The following YWHAE variants were observed in gnomAD, a reference collection of about 807,000 sequenced individuals.
YWHAE encodes the protein tyrosine 3-monooxygenase/tryptophan 5-monooxygenase activation protein epsilon.
YWHAE carries 4 observed loss-of-function variants against 30.1 expected under a neutral mutation model. That is an observed-to-expected ratio of 0.13 (90% CI 0.07 to 0.30). The LOEUF is 0.30. YWHAE is among the 10% of genes least tolerant of loss of function. The pLI is 1.00. For synonymous variants in YWHAE, 118 were observed against 111.8 expected (o/e 1.06, Z -0.35); for missense variants, 121 against 315.9 (o/e 0.38, Z 4.68).
intron 1 of YWHAE, among the ~76,000 whole-genome samples, chr17:1,381,638 G>A (rs771592546): frequency 1.3e-5 from 2 of 152,002 alleles, no homozygotes; most frequent in Admixed American, 6.6e-5. Flanking sequence ...GAGGAAGGCC[G>A]AGCGCAAAGG....
chr17:1,354,413 T>C, intron 4 of YWHAE, 66 bp from the exon 5 acceptor site: 1 of 1,483,850 alleles, frequency 6.7e-7, no homozygotes, highest in South Asian at 1.2e-5. Flanking sequence ...AATGACATGC[T>C]AGACAGCAAT....
intron 4 of YWHAE, among the ~76,000 whole-genome samples, chr17:1,356,809 A>AG (rs2072752395): frequency 6.6e-6 from 1 of 151,768 alleles, no homozygotes; most frequent in Non-Finnish European, 1.5e-5. Flanking sequence ...AAATGCAAAA[A>AG]AAAAAAAAAA....
chr17:1,357,582 TA>T (rs964723811), intron 4 of YWHAE, among the ~76,000 whole-genome samples: 124 of 134,864 alleles, frequency 9.2e-4, no homozygotes, highest in Admixed American at 1.7e-3. Context: ...TCCGTCAAAA[TA>T]AAAAAAAAAA....
intron 1 of YWHAE, among the ~76,000 whole-genome samples, chr17:1,371,640 G>A (rs991153240): frequency 6.6e-6 from 1 of 152,162 alleles, no homozygotes; most frequent in African/African-American, 2.4e-5. Context: ...TCCCTAAGAA[G>A]CTGCATCAGC....
chr17:1,380,462 C>G (rs773944296), intron 1 of YWHAE, among the ~76,000 whole-genome samples: 1 of 152,164 alleles, frequency 6.6e-6, no homozygotes, highest in Non-Finnish European at 1.5e-5. Flanking sequence ...CACATAATCT[C>G]TAGGAGCTTG....
chr17:1,347,876 T>C lies in YWHAE; in HGVS notation c.716-2377A>G, dbSNP rs528162058. 239 of 833,520 alleles carry C rather than the reference T, an allele frequency of 2.9e-4. 1 individual carries two copies. Among genetic ancestry groups the C allele is most frequent in the Non-Finnish European group, 3.3e-4 (229 of 686,112 alleles). The allele number at this position is 833,520 out of a possible 1,614,324, so 51.6% of individuals were successfully genotyped here. A position where few individuals can be genotyped will look rare whatever the true frequency, so the allele number is the denominator to read the frequency against. On this transcript the variant is annotated intron_variant, in intron 5 of 5. Coordinates refer to ENST00000264335, the MANE Select transcript of YWHAE (RefSeq NM_006761.5). ...TGGAAGGTGGAACAGGCAGAGTCTGTAAGCAACAGGACGATCATACGCAGG... is the reference window on the plus strand; with the variant it reads ...TGGAAGGTGGAACAGGCAGAGTCTGCAAGCAACAGGACGATCATACGCAGG...
intron 1 of YWHAE, among the ~76,000 whole-genome samples, chr17:1,395,114 C>T (rs1222272510): frequency 6.6e-6 from 1 of 151,722 alleles, no homozygotes; most frequent in Non-Finnish European, 1.5e-5. Flanking sequence ...ACAATCAGGC[C>T]GGGTGTGGTG....
At chr17:1,346,178 C>T (rs2072513521) in intron 5 of YWHAE, among the ~76,000 whole-genome samples, 1 of 152,096 alleles carries the variant, frequency 6.6e-6, no homozygotes, top group African/African-American at 2.4e-5. Flanking sequence ...GGGTGATTAC[C>T]CTAAGGAGTT....
At chr17:1,356,215 C>CA (rs200467169) in intron 4 of YWHAE, among the ~76,000 whole-genome samples, 51 of 135,550 alleles carry the variant, frequency 3.8e-4, no homozygotes, top group African/African-American at 1.4e-3. Flanking sequence ...CACACACACA[C>CA]AAAATTAGCC....
At chr17:1,349,971 G>T (rs1201181846) in intron 5 of YWHAE, among the ~76,000 whole-genome samples, 141 of 92,564 alleles carry the variant, frequency 1.5e-3, no homozygotes, top group African/African-American at 5.1e-3. Context: ...TTTTTTTTTT[G>T]GACGAAGTTT....
At chr17:1,374,458 C>G (rs1270490044) in intron 1 of YWHAE, among the ~76,000 whole-genome samples, 5 of 152,094 alleles carry the variant, frequency 3.3e-5, no homozygotes, top group Admixed American at 1.3e-4. Flanking sequence ...CAGTATACAC[C>G]TAGAAGGAAC....
chr17:1,348,738 T>C (rs1024096527), intron 5 of YWHAE, among the ~76,000 whole-genome samples: 1 of 152,190 alleles, frequency 6.6e-6, no homozygotes, highest in African/African-American at 2.4e-5. Flanking sequence ...TATTAAAAAA[T>C]GTAGGCCGGG....
In YWHAE at chr17:1,400,099, T is replaced by C; in HGVS notation, c.12A>G (p.Arg4=). The C allele has an allele frequency of 4.3e-6, 7 of 1,613,704 alleles. No homozygotes were observed. The highest frequency in any genetic ancestry group is 5.9e-6 in the Non-Finnish European group (7 of 1,179,934). Residue 4 remains arginine, a synonymous_variant, in exon 1 of 6, where the codon CGA becomes CGG. Coordinates refer to ENST00000264335, the MANE Select transcript of YWHAE (RefSeq NM_006761.5). ...GCTTCGCCTGGTACACCAGATCCTC[T>C]CGATCATCCATAGCGGCAGCGGCTC... MDD[R]EDLVYQAKLA... is the part of the protein sequence containing the mutation.
At chr17:1,390,460 C>A (rs2073373071) in intron 1 of YWHAE, among the ~76,000 whole-genome samples, 1 of 152,114 alleles carries the variant, frequency 6.6e-6, no homozygotes, top group African/African-American at 2.4e-5. Flanking sequence ...ACAGCAGTAA[C>A]AAAAACAATT....
intron 4 of YWHAE, among the ~76,000 whole-genome samples, chr17:1,356,390 T>A (rs2072743324): frequency 1.3e-5 from 2 of 152,222 alleles, no homozygotes; most frequent in South Asian, 4.2e-4. Flanking sequence ...TGAAGTGCTA[T>A]TCCAAATAAA....
intron 4 of YWHAE, among the ~76,000 whole-genome samples, chr17:1,356,066 G>A (rs2150843782): frequency 6.6e-6 from 1 of 152,280 alleles, no homozygotes; most frequent in South Asian, 2.1e-4. Context: ...CTACTTGGGA[G>A]GATGAGGCAG....
intron 2 of YWHAE, among the ~76,000 whole-genome samples, chr17:1,362,361 C>T (rs1172811757): frequency 6.6e-6 from 1 of 152,080 alleles, no homozygotes; most frequent in African/African-American, 2.4e-5. Flanking sequence ...ACATGAATTA[C>T]CTTCTTTCAC....
intron 1 of YWHAE, among the ~76,000 whole-genome samples, chr17:1,376,021 C>T (rs1350552895): frequency 6.6e-6 from 1 of 152,154 alleles, no homozygotes; most frequent in African/African-American, 2.4e-5. Flanking sequence ...GAAGTGGGTA[C>T]CAGTATTATC....
intron 5 of YWHAE, 142 bp downstream of exon 5, chr17:1,354,069 G>C: frequency 9.4e-7 from 1 of 1,059,066 alleles, no homozygotes; most frequent in Non-Finnish European, 1.3e-6. Flanking sequence ...TTCCTATAAA[G>C]GCAGCAATTA....
Sources: gnomAD v4.1 joint callset for allele counts (sites outside exome capture counted in the v4.1 genomes callset) on GRCh38, gnomAD v4.1.1 for gene constraint, MANE v1.5 for transcripts, NCBI Gene and HGNC (gene_info 2026-07-23, HGNC 2026-07-21) for gene names.